The following RASA3 variants were observed in gnomAD, a reference collection of about 807,000 sequenced individuals.
RASA3 encodes ras GTPase-activating protein 3.
RASA3 carries 73 observed loss-of-function variants against 110.0 expected under a neutral mutation model. The ratio of observed to expected loss-of-function variants is 0.66; its 90% CI spans 0.55 to 0.81. The LOEUF is 0.81. RASA3 is among the 30% of genes least tolerant of loss of function. RASA3 has a pLI of 0.00. For missense variants in RASA3, 976 were observed against 1,113.2 expected (o/e 0.88, Z 1.75); for synonymous variants, 500 against 451.4 (o/e 1.11, Z -1.37).
intron 7 of RASA3, among the ~76,000 whole-genome samples, chr13:114,026,405 T>TA (rs2054026742): frequency 6.6e-6 from 1 of 152,236 alleles, no homozygotes; most frequent in South Asian, 2.1e-4. Context: ...CGCCTGTCTA[T>TA]AAGTGAGGCT....
chr13:114,030,465 G>GA (rs2054135191), intron 4 of RASA3, among the ~76,000 whole-genome samples: 2 of 103,676 alleles, frequency 1.9e-5, no homozygotes, highest in African/African-American at 7.6e-5. Flanking sequence ...CTCACACAGA[G>GA]GGCAAGGCTC....
At chr13:113,988,805 C>T (rs1006953295) in intron 22 of RASA3, among the ~76,000 whole-genome samples, 1 of 145,260 alleles carries the variant, frequency 6.9e-6, no homozygotes, top group African/African-American at 2.6e-5. Context: ...CCACCCATCA[C>T]TCAACCATCT....
chr13:114,018,310 G>A, intron 10 of RASA3, 58 bp from the exon 11 acceptor site: 2 of 1,503,724 alleles, frequency 1.3e-6, no homozygotes, highest in Admixed American at 2.2e-5. Context: ...CCAGAGGCCT[G>A]TCCCCACCTT....
At chr13:114,036,687 G>GC (rs2054284819) in intron 4 of RASA3, among the ~76,000 whole-genome samples, 1 of 152,166 alleles carries the variant, frequency 6.6e-6, no homozygotes, top group South Asian at 2.1e-4. Context: ...ACAGGCATGC[G>GC]CCACCACGCC....
intron 3 of RASA3, among the ~76,000 whole-genome samples, chr13:114,042,062 A>G (rs1425860164): frequency 1.3e-5 from 2 of 152,266 alleles, no homozygotes; most frequent in African/African-American, 2.4e-5. Context: ...ATATTTGTAC[A>G]ATATACGTTT....
At chr13:113,999,388 A>G (rs965329019) in intron 20 of RASA3, among the ~76,000 whole-genome samples, 197 bp downstream of exon 20, 30 of 151,916 alleles carry the variant, frequency 2.0e-4, no homozygotes, top group African/African-American at 7.3e-4. Context: ...GGGCACAGAG[A>G]GTGTGGCTGC....
At chr13:114,004,949 G>A (rs937461691) in intron 18 of RASA3, among the ~76,000 whole-genome samples, 6 of 152,204 alleles carry the variant, frequency 3.9e-5, no homozygotes, top group Non-Finnish European at 5.9e-5. Flanking sequence ...TCAAGAGGAA[G>A]GAAATCTTAT....
At position 113,992,492 on chromosome 13, in the gene RASA3, C is replaced by T. The variant is rs764878592; in HGVS notation, c.2238G>A (p.Lys746=). 8 of 1,612,690 alleles carry T rather than the reference C, an allele frequency of 5.0e-6. No homozygotes were observed. The East Asian group carries it at 1.8e-4, about 36-fold the overall frequency. The change falls in exon 22 of 24, where the codon AAG becomes AAA. Residue 746 remains lysine (K), a synonymous_variant. Transcript: ENST00000334062. ...TGTGCCGGGCAGACTCACCCTGCATCTTCTCCAGCTTGCTCATGTACAAGT... is the reference window on the plus strand; with the variant it reads ...TGTGCCGGGCAGACTCACCCTGCATTTTCTCCAGCTTGCTCATGTACAAGT... ...LFNLYMSKLE[K]MQEACGSKSV... is the part of the protein sequence containing the mutation.
intron 4 of RASA3, among the ~76,000 whole-genome samples, chr13:114,037,638 A>T (rs2054303442): frequency 6.6e-6 from 1 of 152,186 alleles, no homozygotes; most frequent in South Asian, 2.1e-4. Flanking sequence ...TATACCACTG[A>T]ATTGGACATT....
In RASA3 at chr13:114,055,174, G is replaced by A. The variant is rs577844112; in HGVS notation, c.174-3019C>T. On this transcript the variant is annotated intron_variant, in intron 2 of 23. Transcript: ENST00000334062. ...TGCCCACAGGCACGTGTGCATGGGT[G>A]TGTGCATGCATGTGCCATGCATGTG... Among the ~76,000 whole-genome samples the A allele has an allele frequency of 8.5e-5, 13 of 152,244 alleles. No homozygotes were observed. The East Asian group carries it at 1.3e-3, about 16-fold the overall frequency.
intron 15 of RASA3, among the ~76,000 whole-genome samples, chr13:114,012,684 GCACTC>G (rs2053664007): frequency 2.5e-5 from 1 of 39,988 alleles, no homozygotes; most frequent in African/African-American, 9.2e-5. Context: ...CACTGTCCAC[GCACTC>G]CACACACTCC....
intron 1 of RASA3, chr13:114,077,711 C>G (rs572438766): frequency 1.3e-6 from 1 of 769,882 alleles, no homozygotes; most frequent in Admixed American, 6.5e-5. Flanking sequence ...ACCAAGGCAC[C>G]GGGTTCCTCC....
chr13:114,063,207 C>T (rs916791024), intron 2 of RASA3, among the ~76,000 whole-genome samples: 1 of 151,598 alleles, frequency 6.6e-6, no homozygotes, highest in Non-Finnish European at 1.5e-5. Context: ...ATTTTAAATA[C>T]GTAAAAAAAT....
At chr13:114,029,961 G>A (rs963149687) in intron 4 of RASA3, 74 bp from the exon 5 acceptor site, 23 of 1,407,862 alleles carry the variant, frequency 1.6e-5, no homozygotes, top group Non-Finnish European at 3.9e-6. Context: ...CGCGCCCAGG[G>A]AAAGCCTAGA....
chr13:114,068,989 G>A (rs1045244425), intron 2 of RASA3, among the ~76,000 whole-genome samples: 6 of 152,308 alleles, frequency 3.9e-5, no homozygotes, highest in South Asian at 2.1e-4. Context: ...CTCCCCAGAC[G>A]TCGGCTCAGC....
intron 1 of RASA3, among the ~76,000 whole-genome samples, chr13:114,099,531 C>G (rs535143984): frequency 6.6e-6 from 1 of 151,760 alleles, no homozygotes; most frequent in Non-Finnish European, 1.5e-5. Flanking sequence ...GCGCGTCTCC[C>G]TCCTTTCCCT....
At chr13:114,094,905 G>A (rs9525257) in intron 1 of RASA3, among the ~76,000 whole-genome samples, 10,964 of 152,060 alleles carry the variant, frequency 0.072, 807 homozygotes, top group East Asian at 0.19. Context: ...CTCATATCCC[G>A]CCCCACCTAA....
At chr13:114,071,533 T>C (rs2079572287) in intron 2 of RASA3, among the ~76,000 whole-genome samples, 1 of 152,182 alleles carries the variant, frequency 6.6e-6, no homozygotes, top group African/African-American at 2.4e-5. Flanking sequence ...CCAAAGGCAC[T>C]TCTGAAGGGC....
intron 3 of RASA3, among the ~76,000 whole-genome samples, chr13:114,043,837 G>GCCCCCCCCCCCCCCCCCCCCCCCCCCC: frequency 4.4e-5 from 1 of 22,826 alleles, no homozygotes; most frequent in Non-Finnish European, 7.1e-5. Flanking sequence ...CACTCGCTGA[G>GCCCCCCCCCCCCCCCCCCCCCCCCCCC]CCCCCCGCCC....
Sources: allele counts gnomAD v4.1 joint callset (sites outside exome capture counted in the v4.1 genomes callset), GRCh38; gene constraint gnomAD v4.1.1; transcripts MANE v1.5; gene names NCBI Gene and HGNC (gene_info 2026-07-23, HGNC 2026-07-21).